Variants in PDE1C observed in about 807,000 individuals in gnomAD.
PDE1C encodes the protein phosphodiesterase 1C.
PDE1C carries 62 observed loss-of-function variants against 93.1 expected under a neutral mutation model. That is an observed-to-expected ratio of 0.67 (90% CI 0.54 to 0.82). The LOEUF is 0.82. PDE1C is among the 40% of genes least tolerant of loss of function. The pLI, the probability that PDE1C is intolerant of heterozygous loss-of-function variation, is 0.00. For synonymous variants in PDE1C, 325 were observed against 310.1 expected (o/e 1.05, Z -0.50); for missense variants, 742 against 884.6 (o/e 0.84, Z 2.04).
intron 3 of PDE1C, among the ~76,000 whole-genome samples, chr7:32,140,524 G>A (rs1358386478): frequency 6.6e-6 from 1 of 152,204 alleles, no homozygotes; most frequent in Non-Finnish European, 1.5e-5. Context: ...AATTAAAGCT[G>A]TGATTCATTT....
At chr7:31,758,634 G>T (rs1029483586) in intron 17 of PDE1C, among the ~76,000 whole-genome samples, 1 of 152,188 alleles carries the variant, frequency 6.6e-6, no homozygotes, top group Non-Finnish European at 1.5e-5. Context: ...GAAGTAAAGA[G>T]TTGCAGCAAA....
intron 8 of PDE1C, among the ~76,000 whole-genome samples, chr7:31,850,133 C>T (rs1353074621): frequency 6.6e-6 from 1 of 151,970 alleles, no homozygotes; most frequent in African/African-American, 2.4e-5. Context: ...AACTTACTCC[C>T]GGGGCCCTGT....
Position 31,850,758 on chromosome 7 carries a change from G to C in PDE1C, c.751-17C>G. The C allele has an allele frequency of 6.5e-7, 1 of 1,539,980 alleles. No homozygotes were observed. The highest frequency in any genetic ancestry group is 9.0e-7 in the Non-Finnish European group (1 of 1,112,556). ...CAGCCAGTTCTGAAAGGAGATTACA[G>C]AGCAATCAGATAATCTGTTTCTTTC... On this transcript the variant is annotated splice_polypyrimidine_tract_variant and intron_variant, in intron 7 of 17. Coordinates refer to ENST00000396191, the MANE Select transcript of PDE1C (RefSeq NM_001191057.4).
At chr7:32,128,906 A>AATATATATACATATAT in intron 3 of PDE1C, among the ~76,000 whole-genome samples, 1 of 56,010 alleles carries the variant, frequency 1.8e-5, no homozygotes, top group African/African-American at 6.7e-5. Flanking sequence ...AAGTATAACA[A>AATATATATACATATAT]ATATATATAT....
At chr7:31,628,489 G>A in the PDE1C span, among the ~76,000 whole-genome samples, 1 of 146,126 alleles carries the variant, frequency 6.8e-6, no homozygotes. Context: ...GAGGAGTCTC[G>A]CTCTGTCACT....
chr7:31,819,391 T>C lies in PDE1C; in HGVS notation c.1583-3237A>G, dbSNP rs540682852. On this transcript the variant is annotated intron_variant, in intron 14 of 17. Coordinates refer to ENST00000396191, the MANE Select transcript of PDE1C (RefSeq NM_001191057.4). ...TATCGGTATAGATGAAATTTTCGTA[T>C]AACAAGAAAAAGGACTTGAGAACAG... 2.6e-4 allele frequency among the ~76,000 whole-genome samples: 39 copies of C among 152,308 alleles called. No individual in the cohort carries two copies. The East Asian group carries it at 7.5e-3, about 29-fold the overall frequency.
upstream of PDE1C, chr7:32,071,042 C>A (rs796972696): frequency 4.1e-6 from 4 of 985,420 alleles, no homozygotes; most frequent in African/African-American, 7.0e-5. Context: ...AGCGCCCGGG[C>A]TGGTGTCTGG....
At chr7:31,625,995 C>G in the PDE1C span, among the ~76,000 whole-genome samples, 567 of 152,162 alleles carry the variant, frequency 3.7e-3, 5 homozygotes, top group African/African-American at 0.013. Flanking sequence ...TTTGCTATGA[C>G]TTTTAAAAAA....
chr7:32,329,735 T>C (rs1361079856), intron 1 of PDE1C, among the ~76,000 whole-genome samples: 1 of 152,248 alleles, frequency 6.6e-6, no homozygotes, highest in Non-Finnish European at 1.5e-5. Context: ...TATTTCTTTT[T>C]CCCTTTATTT....
At chr7:32,244,221 T>C (rs1585019310) in intron 1 of PDE1C, among the ~76,000 whole-genome samples, 1 of 152,144 alleles carries the variant, frequency 6.6e-6, no homozygotes, top group Non-Finnish European at 1.5e-5. Context: ...AGTGGCCACA[T>C]AGGGCCCAAG....
chr7:31,644,806 A>G, the PDE1C span, among the ~76,000 whole-genome samples: 2 of 152,228 alleles, frequency 1.3e-5, no homozygotes, highest in Non-Finnish European at 2.9e-5. Context: ...TAGAGAGTTG[A>G]AAAGGTGAAG....
chr7:31,766,772 T>A (rs1456410040), intron 17 of PDE1C, among the ~76,000 whole-genome samples: 1 of 152,264 alleles, frequency 6.6e-6, no homozygotes, highest in African/African-American at 2.4e-5. Flanking sequence ...TCAGCATTGT[T>A]TGTAATAGCA....
At chr7:32,077,557 T>C (rs189717325) in intron 3 of PDE1C, among the ~76,000 whole-genome samples, 10 of 152,288 alleles carry the variant, frequency 6.6e-5, no homozygotes, top group Non-Finnish European at 1.2e-4. Flanking sequence ...TTTATTTACT[T>C]TTTTAATTTA....
intron 1 of PDE1C, among the ~76,000 whole-genome samples, chr7:32,268,783 T>A (rs899810853): frequency 6.6e-6 from 1 of 152,200 alleles, no homozygotes; most frequent in African/African-American, 2.4e-5. Flanking sequence ...CTCTTTTCAC[T>A]AGCTAATAGC....
At chr7:31,954,727 T>C (rs1306299990) in intron 2 of PDE1C, among the ~76,000 whole-genome samples, 1 of 152,174 alleles carries the variant, frequency 6.6e-6, no homozygotes, top group Non-Finnish European at 1.5e-5. Context: ...GTTTTTGCCA[T>C]TACTCTTCAT....
Position 31,753,523 on chromosome 7 carries a change from C to T in PDE1C, c.1991G>A (p.Arg664His), listed in dbSNP as rs757675060. ...ATAGGAGCTAGATGCGTAAGCAGGG[C>T]GTTTAAAATGACGCAAAGGAGGCTT... Reference protein sequence around the residue: ...VIKPPLRHFKRPAYASSSYAP... With the variant: ...VIKPPLRHFKHPAYASSSYAP... Residue 664 changes from arginine to histidine, a missense_variant, in exon 18 of 18, where the codon CGC (arginine) becomes CAC (histidine). Arg to His is a conservative substitution (Grantham distance 29, BLOSUM62 0). Around this residue, in one of 4 missense-constraint regions of PDE1C, gnomAD observed 454 missense variants for 459.4 expected, o/e 0.99. Coordinates refer to ENST00000396191, the MANE Select transcript of PDE1C (RefSeq NM_001191057.4). 1.3e-5 allele frequency: 21 copies of T among 1,610,894 alleles called. No homozygotes were observed. The highest frequency in any genetic ancestry group is 1.6e-4 in the Middle Eastern group (1 of 6,078).
At chr7:31,787,624 C>A (rs878907274) in intron 16 of PDE1C, 2 of 152,124 alleles carry the variant, frequency 1.3e-5, no homozygotes, top group South Asian at 4.1e-4. Context: ...TATTGCTGTC[C>A]CCACATGCTA....
chr7:31,654,995 A>T, the PDE1C span, among the ~76,000 whole-genome samples: 5 of 152,046 alleles, frequency 3.3e-5, no homozygotes, highest in Non-Finnish European at 7.4e-5. Flanking sequence ...GGACATCCCC[A>T]TTCTGTCCTG....
chr7:31,724,470 C>G, the PDE1C span, among the ~76,000 whole-genome samples: 1 of 152,230 alleles, frequency 6.6e-6, no homozygotes, highest in African/African-American at 2.4e-5. Context: ...TATCCAATAT[C>G]ATCCGAAATT....
Sources: gnomAD v4.1 joint callset for allele counts (sites outside exome capture counted in the v4.1 genomes callset) on GRCh38, gnomAD v4.1.1 for gene constraint, gnomAD v4.1.1 regional missense constraint, MANE v1.5 for transcripts, NCBI Gene and HGNC (gene_info 2026-07-23, HGNC 2026-07-21) for gene names.